IL1RAPL1: variants seen among roughly 807,000 people sequenced by gnomAD.
IL1RAPL1 encodes interleukin-1 receptor accessory protein-like 1.
In IL1RAPL1, 3 loss-of-function variants were observed where a neutral mutation model predicts 48.4. The ratio of observed to expected loss-of-function variants is 0.06; its 90% CI spans 0.03 to 0.16. The LOEUF is 0.16. Ranked by LOEUF, IL1RAPL1 falls within the 10% of genes least tolerant of loss-of-function variation. The pLI, the probability that IL1RAPL1 is intolerant of heterozygous loss-of-function variation, is 1.00. For missense variants in IL1RAPL1, 349 were observed against 530.6 expected, an observed-to-expected ratio of 0.66 and a Z score of 3.36; for synonymous variants, 185 against 187.7, an observed-to-expected ratio of 0.99 and a Z score of 0.12.
chrX:29,592,202 CAT>C (rs767003782), intron 5 of IL1RAPL1, among the ~76,000 whole-genome samples: 18 of 111,658 alleles, frequency 1.6e-4, no homozygotes, highest in East Asian at 1.1e-3. Context: ...TCTTTCAAAA[CAT>C]ATATTCAGCC....
intron 2 of IL1RAPL1, among the ~76,000 whole-genome samples, chrX:29,266,167 G>A (rs1931952856): frequency 9.0e-6 from 1 of 111,283 alleles, no homozygotes; most frequent in Non-Finnish European, 1.9e-5. Flanking sequence ...ACATGCACAC[G>A]TATATTTATT....
chrX:29,045,479 T>C (rs2147419754), intron 2 of IL1RAPL1, among the ~76,000 whole-genome samples: 1 of 111,989 alleles, frequency 8.9e-6, no homozygotes, highest in African/African-American at 3.2e-5. Flanking sequence ...GAAACACATT[T>C]TTTTGAGACA....
rs769962438 is a variant in IL1RAPL1 at position 28,657,122 on chromosome X, G to A, written c.-25+69075G>A. Among the ~76,000 whole-genome samples, 10 of 110,449 alleles carry A rather than the reference G, an allele frequency of 9.1e-5. No individual in the cohort carries two copies. The South Asian group carries it at 3.5e-3, about 38-fold the overall frequency. Reference sequence around the variant, plus strand: ...CCATATTTCACTTAAGGTTATATCCGTAGCTCATTTCATAGGGCTGTACGT... The same window carrying A: ...CCATATTTCACTTAAGGTTATATCCATAGCTCATTTCATAGGGCTGTACGT... On this transcript the variant is annotated intron_variant, in intron 1 of 10. Coordinates refer to ENST00000378993, the MANE Select transcript of IL1RAPL1 (RefSeq NM_014271.4).
rs1038857051 is a variant in IL1RAPL1 at position 29,956,086 on chromosome X, G to A, written c.*266G>A. 8.0e-6 allele frequency: 3 copies of A among 376,837 alleles called. No individual in the cohort carries two copies. Among genetic ancestry groups the A allele is most frequent in the Non-Finnish European group, 1.4e-5 (3 of 217,220 alleles). The allele number at this position is 376,837 out of a possible 1,213,427, so 31.1% of individuals were successfully genotyped here. A position where few individuals can be genotyped will look rare whatever the true frequency, so the allele number is the denominator to read the frequency against. ...GTAAATTTACATTTTTTTTAAAGAAGAGACTGATGTGTAGATAGAAAACCC... is the reference window on the plus strand; with the variant it reads ...GTAAATTTACATTTTTTTTAAAGAAAAGACTGATGTGTAGATAGAAAACCC... On this transcript the variant is annotated 3_prime_UTR_variant, in exon 11 of 11. Coordinates refer to ENST00000378993, the MANE Select transcript of IL1RAPL1 (RefSeq NM_014271.4).
chrX:28,834,324 A>G (rs775320160), intron 2 of IL1RAPL1, among the ~76,000 whole-genome samples: 9 of 111,504 alleles, frequency 8.1e-5, no homozygotes, highest in South Asian at 3.6e-4. Context: ...CTTGTTAGGT[A>G]TGTTGGTTTT....
At chrX:28,983,923 C>T (rs939405263) in intron 2 of IL1RAPL1, among the ~76,000 whole-genome samples, 4 of 111,757 alleles carry the variant, frequency 3.6e-5, no homozygotes, top group Non-Finnish European at 7.5e-5. Context: ...ACAGAGAAGG[C>T]ATAACAAATA....
Position 29,850,437 on chromosome X carries a change from G to T in IL1RAPL1, c.779-67027G>T, listed in dbSNP as rs1931339635. On this transcript the variant is annotated intron_variant, in intron 6 of 10. Transcript: ENST00000378993. ...GAAAGAACTGCCTGTGCCAAATCTT[G>T]TTGAGGCTTAATTGGGACCTTAAGG... 3.6e-5 allele frequency among the ~76,000 whole-genome samples: 4 copies of T among 112,287 alleles called. No individual in the cohort carries two copies. In the South Asian group the frequency reaches 1.1e-3, roughly 31 times the overall value.
At chrX:29,409,073 C>T (rs182721072) in intron 5 of IL1RAPL1, among the ~76,000 whole-genome samples, 2 of 111,688 alleles carry the variant, frequency 1.8e-5, no homozygotes, top group Non-Finnish European at 3.8e-5. Context: ...CAAAAAATTG[C>T]GTATTTTATT....
In IL1RAPL1 at chrX:28,600,842, C is replaced by T. The variant is rs1301992820; in HGVS notation, c.-25+12795C>T. On this transcript the variant is annotated intron_variant, in intron 1 of 10. Coordinates refer to ENST00000378993, the MANE Select transcript of IL1RAPL1 (RefSeq NM_014271.4). ...CAATTTTCACTGAAAGGAAGCATTT[C>T]ATATAACACTATTCACTTTTATATT... Among the ~76,000 whole-genome samples, 3 of 111,969 alleles carry T rather than the reference C, an allele frequency of 2.7e-5. No individual in the cohort carries two copies. The East Asian group carries it at 8.5e-4, about 32-fold the overall frequency.
intron 6 of IL1RAPL1, among the ~76,000 whole-genome samples, chrX:29,897,533 C>A (rs149190980): frequency 8.9e-6 from 1 of 111,936 alleles, no homozygotes; most frequent in African/African-American, 3.2e-5. Flanking sequence ...ACTTATCCAG[C>A]AAGTGACAGG....
chrX:29,683,764 G>T (rs1345504236), intron 6 of IL1RAPL1, among the ~76,000 whole-genome samples: 2 of 112,138 alleles, frequency 1.8e-5, no homozygotes, highest in African/African-American at 6.5e-5. Context: ...ACTGTTAAGA[G>T]AGTCTATGTC....
intron 6 of IL1RAPL1, among the ~76,000 whole-genome samples, chrX:29,885,110 GTTC>G (rs962542388): frequency 3.6e-5 from 4 of 111,444 alleles, no homozygotes; most frequent in South Asian, 3.8e-4. Context: ...CCTTCTTGCT[GTTC>G]TTCTGACATG....
chrX:29,300,542 G>T (rs1602158539), intron 3 of IL1RAPL1, among the ~76,000 whole-genome samples: 1 of 111,231 alleles, frequency 9.0e-6, no homozygotes, highest in African/African-American at 3.3e-5. Flanking sequence ...GATATAGCAG[G>T]GTGCCTTCCA....
intron 2 of IL1RAPL1, among the ~76,000 whole-genome samples, chrX:29,177,796 A>C (rs1311471651): frequency 9.1e-6 from 1 of 110,264 alleles, no homozygotes; most frequent in Non-Finnish European, 1.9e-5. Context: ...CCCTGTATCC[A>C]AGTGTTCTCA....
At chrX:28,697,372 A>G (rs1196472203) in intron 1 of IL1RAPL1, among the ~76,000 whole-genome samples, 1 of 111,141 alleles carries the variant, frequency 9.0e-6, no homozygotes, top group Non-Finnish European at 1.9e-5. Flanking sequence ...AGATTTTTGT[A>G]TAGTAAATTT....
chrX:29,294,764 A>C (rs1273017459), intron 3 of IL1RAPL1, among the ~76,000 whole-genome samples: 1 of 111,254 alleles, frequency 9.0e-6, no homozygotes. Flanking sequence ...CAAATAGCAA[A>C]GCCAACAGTA....
chrX:29,955,634 C>T lies in IL1RAPL1; in HGVS notation c.1905C>T (p.Thr635=), dbSNP rs757587572. The T allele has an allele frequency of 5.8e-6, 7 of 1,210,029 alleles. No individual in the cohort carries two copies. The highest frequency in any genetic ancestry group is 7.8e-6 in the Non-Finnish European group (7 of 894,435). The change falls in exon 11 of 11, where the codon ACC becomes ACT. Residue 635 remains threonine, a synonymous_variant. Coordinates refer to ENST00000378993, the MANE Select transcript of IL1RAPL1 (RefSeq NM_014271.4). ...YRSYEYDVPP[T]GTLPLTSIGN... ...GCTATGAGTACGACGTACCTCCTAC[C>T]GGCACCCTGCCTCTTACCTCCATAG...
chrX:29,120,083 T>A (rs1473140042), intron 2 of IL1RAPL1, among the ~76,000 whole-genome samples: 2 of 111,628 alleles, frequency 1.8e-5, no homozygotes, highest in African/African-American at 6.5e-5. Context: ...AAGCTAACAG[T>A]CTAATCACAC....
intron 9 of IL1RAPL1, 53 bp downstream of exon 9, chrX:29,941,847 G>A (rs1169962466): frequency 9.7e-6 from 11 of 1,135,897 alleles, no homozygotes; most frequent in Non-Finnish European, 1.3e-5. Flanking sequence ...TTTCTTTCTT[G>A]TCTTTGTTTT....
Sources: gnomAD v4.1 joint callset for allele counts (sites outside exome capture counted in the v4.1 genomes callset) on GRCh38, gnomAD v4.1.1 for gene constraint, MANE v1.5 for transcripts, NCBI Gene and HGNC (gene_info 2026-07-23, HGNC 2026-07-21) for gene names.